The following CADM1 variants were observed in gnomAD, a reference collection of about 807,000 sequenced individuals.
CADM1 encodes the protein TSLC-1.
Under a neutral mutation model 53.1 loss-of-function variants are expected in CADM1, and 15 were observed. That is an observed-to-expected ratio of 0.28 (90% confidence interval 0.19 to 0.44). CADM1 has a LOEUF of 0.44. Among genes scored for constraint, CADM1 ranks in the 20% least tolerant of loss-of-function variants. CADM1 has a pLI of 1.00. For missense variants in CADM1, 434 were observed against 611.3 expected (o/e 0.71, Z 3.06); for synonymous variants, 281 against 243.0 (o/e 1.16, Z -1.45).
intron 1 of CADM1, among the ~76,000 whole-genome samples, chr11:115,456,177 A>C (rs1233654216): frequency 1.3e-5 from 2 of 152,196 alleles, no homozygotes. Context: ...CCAAAGATGC[A>C]TTATTGCCAT....
intron 1 of CADM1, 46 bp downstream of exon 1, chr11:115,504,225 G>A (rs1949800452): frequency 6.4e-7 from 1 of 1,559,280 alleles, no homozygotes; most frequent in African/African-American, 1.4e-5. Context: ...GGCTACTGGG[G>A]TGCCTTCGGA....
At chr11:115,335,896 C>A (rs1591719921) in intron 1 of CADM1, among the ~76,000 whole-genome samples, 1 of 152,222 alleles carries the variant, frequency 6.6e-6, no homozygotes, top group South Asian at 2.1e-4. Context: ...CACTTGAAAT[C>A]TTTAATTTTA....
intron 1 of CADM1, among the ~76,000 whole-genome samples, chr11:115,440,597 C>T (rs207472381): frequency 6.6e-6 from 1 of 152,114 alleles, no homozygotes; most frequent in East Asian, 1.9e-4. Context: ...GTATTAAGTA[C>T]ACACAGACAG....
At chr11:115,449,441 T>C (rs931269187) in intron 1 of CADM1, among the ~76,000 whole-genome samples, 3 of 152,198 alleles carry the variant, frequency 2.0e-5, no homozygotes, top group African/African-American at 4.8e-5. Context: ...GCCACCTTCA[T>C]TTCTTAAGCC....
intron 1 of CADM1, among the ~76,000 whole-genome samples, chr11:115,487,333 T>A (rs1324891978): frequency 6.6e-6 from 1 of 152,244 alleles, no homozygotes; most frequent in Non-Finnish European, 1.5e-5. Flanking sequence ...ACATTATATA[T>A]TCATCTTTTT....
chr11:115,492,328 T>C (rs1949514516), intron 1 of CADM1, among the ~76,000 whole-genome samples: 1 of 152,096 alleles, frequency 6.6e-6, no homozygotes, highest in Non-Finnish European at 1.5e-5. Context: ...AATTGGCAAC[T>C]ATAGGAAGTT....
chr11:115,293,864 A>C (rs998357308), intron 1 of CADM1, among the ~76,000 whole-genome samples: 5 of 152,228 alleles, frequency 3.3e-5, no homozygotes, highest in Non-Finnish European at 5.9e-5. Flanking sequence ...AAGGCCAGTT[A>C]TTCTATATAA....
intron 1 of CADM1, among the ~76,000 whole-genome samples, chr11:115,443,718 G>C (rs945169797): frequency 2.0e-5 from 3 of 152,080 alleles, no homozygotes; most frequent in African/African-American, 7.2e-5. Context: ...AACATTTTTT[G>C]CATACCCAGT....
At chr11:115,254,015 T>C (rs945577250) in intron 1 of CADM1, among the ~76,000 whole-genome samples, 1 of 152,226 alleles carries the variant, frequency 6.6e-6, no homozygotes, top group African/African-American at 2.4e-5. Context: ...AATACCTCCC[T>C]TGCTAGGTTA....
intron 1 of CADM1, among the ~76,000 whole-genome samples, chr11:115,369,790 T>G (rs1395281692): frequency 6.6e-6 from 1 of 152,144 alleles, no homozygotes; most frequent in Non-Finnish European, 1.5e-5. Flanking sequence ...AAAACAGCAC[T>G]GTGTCTGATC....
chr11:115,347,513 C>T (rs11215508), intron 1 of CADM1, among the ~76,000 whole-genome samples: 6 of 152,100 alleles, frequency 3.9e-5, no homozygotes, highest in African/African-American at 2.4e-5. Context: ...GATAATAGAA[C>T]ATTTATTTTA....
intron 1 of CADM1, among the ~76,000 whole-genome samples, chr11:115,309,021 T>A (rs1411168412): frequency 1.3e-5 from 2 of 152,150 alleles, no homozygotes; most frequent in African/African-American, 2.4e-5. Context: ...AAGCAAGATG[T>A]AAATGGTATT....
At chr11:115,238,966 A>T (rs1406927463) in intron 2 of CADM1, among the ~76,000 whole-genome samples, 1 of 152,054 alleles carries the variant, frequency 6.6e-6, no homozygotes, top group African/African-American at 2.4e-5. Context: ...GCACTTACTC[A>T]TACATGTTTT....
At chr11:115,494,213 A>G (rs1949561146) in intron 1 of CADM1, among the ~76,000 whole-genome samples, 1 of 152,162 alleles carries the variant, frequency 6.6e-6, no homozygotes, top group Non-Finnish European at 1.5e-5. Flanking sequence ...TATTCATTGT[A>G]TTCTTCTTTC....
chr11:115,480,223 AAAAAC>A (rs1170894395), intron 1 of CADM1, among the ~76,000 whole-genome samples: 1 of 152,212 alleles, frequency 6.6e-6, no homozygotes. Flanking sequence ...CACAAAGAAG[AAAAAC>A]AAAACAAAAC....
chr11:115,417,928 G>T (rs1358954761), intron 1 of CADM1, among the ~76,000 whole-genome samples: 1 of 152,088 alleles, frequency 6.6e-6, no homozygotes, highest in Non-Finnish European at 1.5e-5. Context: ...TAGTGAAGAT[G>T]CATTTATCCT....
At chr11:115,290,735 G>A (rs528320620) in intron 1 of CADM1, among the ~76,000 whole-genome samples, 298 of 152,280 alleles carry the variant, frequency 2.0e-3, no homozygotes, top group Non-Finnish European at 3.3e-3. Context: ...ATGTAATTAC[G>A]AACAGAAAAC....
intron 1 of CADM1, among the ~76,000 whole-genome samples, chr11:115,438,903 A>C (rs986630994): frequency 2.3e-4 from 35 of 152,284 alleles, no homozygotes; most frequent in African/African-American, 8.2e-4. Flanking sequence ...TGCCTGCATC[A>C]GTCAAAAAAA....
chr11:115,236,129 C>A (rs1045489013), intron 3 of CADM1, among the ~76,000 whole-genome samples: 1 of 152,212 alleles, frequency 6.6e-6, no homozygotes, highest in African/African-American at 2.4e-5. Context: ...CTAATAGACA[C>A]ATGCACTAAA....
Sources: gnomAD v4.1 joint callset for allele counts (sites outside exome capture counted in the v4.1 genomes callset) on GRCh38, gnomAD v4.1.1 for gene constraint, MANE v1.5 for transcripts, NCBI Gene and HGNC (gene_info 2026-07-23, HGNC 2026-07-21) for gene names.